Variants in C6orf132 observed in about 807,000 individuals in gnomAD.
C6orf132 encodes chromosome 6 open reading frame 132, also known as uncharacterized protein C6orf132.
A neutral mutation model predicts 65.3 loss-of-function variants in C6orf132; 43 were observed. That is an observed-to-expected ratio of 0.66 (90% confidence interval 0.52 to 0.85). The LOEUF (loss-of-function observed/expected upper bound fraction) is 0.85. Among genes scored for constraint, C6orf132 ranks in the 40% least tolerant of loss-of-function variants. The pLI is 0.00. For missense variants in C6orf132, 1,488 were observed against 1,548.8 expected, an observed-to-expected ratio of 0.96 and a Z score of 0.66; for synonymous variants, 631 against 654.1, an observed-to-expected ratio of 0.96 and a Z score of 0.54.
intron 1 of C6orf132, among the ~76,000 whole-genome samples, chr6:42,137,837 C>CGGGGT (rs1217835716): frequency 2.0e-4 from 1 of 4,976 alleles, no homozygotes; most frequent in African/African-American, 7.4e-4. Context: ...CGGGGCGGGG[C>CGGGGT]GGGGCGGGGG....
At chr6:42,116,585 C>T (rs955137806) in intron 2 of C6orf132, among the ~76,000 whole-genome samples, 6 of 152,192 alleles carry the variant, frequency 3.9e-5, no homozygotes, top group African/African-American at 1.4e-4. Context: ...CGGGGATATT[C>T]TTTCCCAAAA....
Position 42,106,196 on chromosome 6 carries a change from G to C in C6orf132, c.1716C>G (p.Ala572=). The C allele has an allele frequency of 6.5e-7, 1 of 1,537,210 alleles. No homozygotes were observed. The change falls in exon 4 of 5, where the codon GCC becomes GCG. Residue 572 remains alanine (A), a synonymous_variant. Coordinates refer to ENST00000341865, the MANE Select transcript of C6orf132 (RefSeq NM_001164446.3). ...SVRQIRNELE[A]RLSSAAEKEA... is the part of the protein sequence containing the mutation. Reference sequence around the variant, plus strand: ...CCTTCTCTGCTGCTGAGGAGAGCCGGGCCTCCAGCTCATTCCGGATCTGCC... The same window carrying C: ...CCTTCTCTGCTGCTGAGGAGAGCCGCGCCTCCAGCTCATTCCGGATCTGCC...
rs957005006 is a variant in C6orf132 at position 42,103,955 on chromosome 6, G to C, written c.3450-77C>G. 5.0e-6 allele frequency: 5 copies of C among 998,704 alleles called. No individual in the cohort carries two copies. In the East Asian group the frequency reaches 9.7e-5, roughly 19 times the overall value. 61.9% of individuals were successfully genotyped at this position (998,704 alleles called of 1,614,324 possible). Reference sequence around the variant, plus strand: ...ACGTCTCTCATCTCCCCGAGGGACCGAGAGGAAAAGATGCTGCTCATACTT... The same window carrying C: ...ACGTCTCTCATCTCCCCGAGGGACCCAGAGGAAAAGATGCTGCTCATACTT... On this transcript the variant is annotated intron_variant, in intron 4 of 4. Transcript: ENST00000341865.
rs1412233541 is a variant in C6orf132 at position 42,104,955 on chromosome 6, A to T, written c.2957T>A (p.Ile986Asn). The T allele has an allele frequency of 6.7e-7, 1 of 1,483,064 alleles. No individual in the cohort carries two copies. The highest frequency in any genetic ancestry group is 2.4e-5 in the Admixed American group (1 of 42,268). The allele number at this position is 1,483,064 out of a possible 1,614,324, so 91.9% of individuals were successfully genotyped here. The change falls in exon 4 of 5, where the codon ATC (isoleucine) becomes AAC (asparagine). Residue 986 changes from isoleucine to asparagine, a missense_variant. Transcript: ENST00000341865. This position sits in a 1 kb window ranked among gnomAD's most constrained non-coding sequence, Gnocchi z 4.1. ...EEEEEFNFEVIPPPPEFSNDP... is the reference protein window; with the variant it reads ...EEEEEFNFEVNPPPPEFSNDP... ...ATTGCTGAACTCTGGCGGCGGTGGG[A>T]TGACCTCGAAGTTGAACTCCTCCTC...
intron 1 of C6orf132, among the ~76,000 whole-genome samples, chr6:42,139,406 G>T (rs1356916184): frequency 2.6e-5 from 4 of 152,216 alleles, no homozygotes; most frequent in African/African-American, 9.7e-5. Flanking sequence ...TTAGAGGAGG[G>T]GCCAGTAAAC....
Position 42,104,866 on chromosome 6 carries a change from T to C in C6orf132, c.3046A>G (p.Asn1016Asp). 6.9e-7 allele frequency: 1 copy of C among 1,449,514 alleles called. No homozygotes were observed. The highest frequency in any genetic ancestry group is 9.0e-7 in the Non-Finnish European group (1 of 1,105,766). The allele number at this position is 1,449,514 out of a possible 1,614,324, so 89.8% of individuals were successfully genotyped here. The change falls in exon 4 of 5, where the codon AAC (asparagine) becomes GAC (aspartate). Residue 1016 changes from asparagine to aspartate, a missense_variant. Asn to Asp is a conservative substitution (Grantham distance 23, BLOSUM62 1). Coordinates refer to ENST00000341865, the MANE Select transcript of C6orf132 (RefSeq NM_001164446.3). This position sits in a 1 kb window ranked among gnomAD's most constrained non-coding sequence, Gnocchi z 4.1. ...LGRQSSPPRN[N>D]YSDLRQLPNA... ...GGGAGCTGCCTCAAGTCTGAGTAGT[T>C]GTTCCGGGGAGGGGAGCTCTGGCGG...
chr6:42,109,745 A>G (rs1215897599), intron 3 of C6orf132, among the ~76,000 whole-genome samples: 1 of 152,144 alleles, frequency 6.6e-6, no homozygotes, highest in East Asian at 1.9e-4. Flanking sequence ...GCCATTAGTG[A>G]GTTTGAAGCA....
rs1040437107 is a variant in C6orf132, at chr6:42,104,612, C to T, written c.3300G>A (p.Glu1100=). 2.9e-6 allele frequency: 4 copies of T among 1,360,226 alleles called. No homozygotes were observed. The highest frequency in any genetic ancestry group is 3.7e-5 in the Admixed American group (1 of 26,852). The allele number at this position is 1,360,226 out of a possible 1,614,324, so 84.3% of individuals were successfully genotyped here. A position where few individuals can be genotyped will look rare whatever the true frequency, so the allele number is the denominator to read the frequency against. ...NCFGPQPGGP[E]MRRVNSAGRA... ...GACCCGCCGAGTTCACGCGCCGCAT[C>T]TCGGGGCCTCCGGGCTGCGGCCCGA... is the stretch of plus-strand genomic sequence containing the variant. Residue 1100 remains glutamate, a synonymous_variant, in exon 4 of 5, where the codon GAG becomes GAA. Transcript: ENST00000341865. The surrounding 1 kb of genome is among the most constrained non-coding windows in gnomAD (Gnocchi z 4.1).
Position 42,105,674 on chromosome 6 carries a change from C to T in C6orf132, c.2238G>A (p.Gln746=). 3 of 1,537,268 alleles carry T rather than the reference C, an allele frequency of 2.0e-6. No homozygotes were observed. The highest frequency in any genetic ancestry group is 2.6e-6 in the Non-Finnish European group (3 of 1,146,898). Residue 746 remains glutamine, a synonymous_variant, in exon 4 of 5, where the codon CAG becomes CAA. Coordinates refer to ENST00000341865, the MANE Select transcript of C6orf132 (RefSeq NM_001164446.3). Reference sequence around the variant, plus strand: ...GGAAGGCTGCAGATGAGCGGGCTCCCTGTGTGGGCAGCCTAGTGGCCTCTG... The same window carrying T: ...GGAAGGCTGCAGATGAGCGGGCTCCTTGTGTGGGCAGCCTAGTGGCCTCTG... The part of the protein sequence containing the change: ...SPSEATRLPT[Q]GARSSAAFPP...
chr6:42,140,587 G>A (rs1767016097), intron 1 of C6orf132, among the ~76,000 whole-genome samples: 1 of 152,224 alleles, frequency 6.6e-6, no homozygotes, highest in Admixed American at 6.5e-5. Flanking sequence ...TCTAAAACCA[G>A]ATGGTGGTGA....
rs532379853 is a variant in C6orf132, at chr6:42,131,696, C to T, written c.146-2918G>A. Among the ~76,000 whole-genome samples, 11 of 152,312 alleles carry T rather than the reference C, an allele frequency of 7.2e-5. No homozygotes were observed. In the South Asian group the frequency reaches 1.2e-3, roughly 17 times the overall value. On this transcript the variant is annotated intron_variant, in intron 1 of 4. Transcript: ENST00000341865. ...GATGGAGTCGGATCTGAACTGTGGC[C>T]GTCTGACCCCCAAGCAGGCGCTCTA...
chr6:42,107,222 A>T lies in C6orf132; in HGVS notation c.690T>A (p.Pro230=). The T allele has an allele frequency of 1.1e-6, 1 of 901,994 alleles. No individual in the cohort carries two copies. The highest frequency in any genetic ancestry group is 1.3e-6 in the Non-Finnish European group (1 of 778,396). 55.9% of individuals were successfully genotyped at this position (901,994 alleles called of 1,614,324 possible). Residue 230 remains proline (P), a synonymous_variant, in exon 4 of 5, where the codon CCT becomes CCA. Coordinates refer to ENST00000341865, the MANE Select transcript of C6orf132 (RefSeq NM_001164446.3). Reference sequence around the variant, plus strand: ...GAGCTGGGGGTGCTGGGGCTGGCACAGGAGGCGGTGGGGGGGCTAGAAAGG... The same window carrying T: ...GAGCTGGGGGTGCTGGGGCTGGCACTGGAGGCGGTGGGGGGGCTAGAAAGG... The part of the protein sequence containing the change: ...PLAFLAPPPP[P]VPAPAPPAPA...
At chr6:42,136,755 C>T (rs1766949606) in intron 1 of C6orf132, among the ~76,000 whole-genome samples, 1 of 152,166 alleles carries the variant, frequency 6.6e-6, no homozygotes, top group Non-Finnish European at 1.5e-5. Flanking sequence ...GCAGGCCTGA[C>T]CTGAGGACCA....
intron 2 of C6orf132, among the ~76,000 whole-genome samples, chr6:42,123,558 G>GAGA (rs576371995): frequency 1.0e-3 from 153 of 151,396 alleles, no homozygotes; most frequent in South Asian, 4.2e-3. Flanking sequence ...GGAAGAGGAA[G>GAGA]AGAAGAAGAA....
chr6:42,127,233 G>A (rs1017417443), intron 2 of C6orf132, among the ~76,000 whole-genome samples: 1 of 152,220 alleles, frequency 6.6e-6, no homozygotes, highest in Non-Finnish European at 1.5e-5. Flanking sequence ...AGGATTCCAA[G>A]CTGACTTATT....
At chr6:42,110,167 C>G in intron 3 of C6orf132, 49 bp downstream of exon 3, 5 of 1,457,974 alleles carry the variant, frequency 3.4e-6, no homozygotes, top group Non-Finnish European at 4.7e-6. Flanking sequence ...AACTCAGGGC[C>G]CTAGGAGGAA....
At chr6:42,114,890 A>G (rs1343657622) in intron 2 of C6orf132, among the ~76,000 whole-genome samples, 1 of 152,112 alleles carries the variant, frequency 6.6e-6, no homozygotes, top group Admixed American at 6.5e-5. Context: ...CTGTAATCCC[A>G]GCTACTCGGG....
In C6orf132 at chr6:42,105,535, C is replaced by T. The variant is rs1198178223; in HGVS notation, c.2377G>A (p.Gly793Arg). The T allele has an allele frequency of 1.3e-6, 2 of 1,533,692 alleles. No homozygotes were observed. The highest frequency in any genetic ancestry group is 1.2e-5 in the South Asian group (1 of 83,944). The change falls in exon 4 of 5, where the codon GGG becomes AGG. Residue 793 changes from glycine (G) to arginine (R), a missense_variant. Physicochemically the swap from Gly to Arg is moderately radical, Grantham distance 125. Coordinates refer to ENST00000341865, the MANE Select transcript of C6orf132 (RefSeq NM_001164446.3). Reference protein sequence around the residue: ...AVVMPTLARGGAAGPGEPVEV... With the variant: ...AVVMPTLARGRAAGPGEPVEV... Reference sequence around the variant, plus strand: ...ACGGGCTCCCCTGGCCCTGCAGCCCCTCCTCTGGCCAGGGTGGGCATCACC... The same window carrying T: ...ACGGGCTCCCCTGGCCCTGCAGCCCTTCCTCTGGCCAGGGTGGGCATCACC...
At chr6:42,141,765 C>T (rs1376740669) in intron 1 of C6orf132, among the ~76,000 whole-genome samples, 2 of 152,106 alleles carry the variant, frequency 1.3e-5, no homozygotes, top group African/African-American at 4.8e-5. Flanking sequence ...TTTTCCTGGG[C>T]CTCACCTAGC....
Sources: gnomAD v4.1 joint callset for allele counts (sites outside exome capture counted in the v4.1 genomes callset) on GRCh38, gnomAD v4.1.1 for gene constraint, Gnocchi (gnomAD v3.1) non-coding constraint, MANE v1.5 for transcripts, NCBI Gene and HGNC (gene_info 2026-07-23, HGNC 2026-07-21) for gene names.